Variants in PPP1R12A observed in about 807,000 individuals in gnomAD.
The protein encoded by PPP1R12A is protein phosphatase 1 regulatory subunit 12A, also known as myosin binding subunit.
PPP1R12A carries 19 observed loss-of-function variants against 139.6 expected under a neutral mutation model. The ratio of observed to expected loss-of-function variants is 0.14; its 90% confidence interval spans 0.09 to 0.20. The LOEUF (loss-of-function observed/expected upper bound fraction) is 0.20, where lower values mean the gene tolerates loss of function less well. PPP1R12A is among the 10% of genes least tolerant of loss of function. The probability of loss-of-function intolerance (pLI) is 1.00; values close to 1 mark genes in which losing one functional copy is unlikely to be tolerated. For synonymous variants in PPP1R12A, 427 were observed against 420.6 expected (o/e 1.02, Z -0.19); for missense variants, 925 against 1,211.5 (o/e 0.76, Z 3.51).
intron 21 of PPP1R12A, 155 bp from the exon 22 acceptor site, chr12:79,786,633 A>G (rs1871168936): frequency 4.0e-6 from 2 of 502,540 alleles, no homozygotes; most frequent in South Asian, 3.2e-5. Context: ...CAAAGCAGAG[A>G]CTGTTCGTTA....
chr12:79,835,381 G>A (rs1877946471), intron 3 of PPP1R12A, among the ~76,000 whole-genome samples: 1 of 152,086 alleles, frequency 6.6e-6, no homozygotes, highest in African/African-American at 2.4e-5. Context: ...GGACTTTGCA[G>A]TGATTCTGTG....
chr12:79,935,289 G>A, upstream of PPP1R12A: 1 of 1,064,848 alleles, frequency 9.4e-7, no homozygotes, highest in Non-Finnish European at 1.1e-6. Flanking sequence ...GCGAACTGCG[G>A]CGGTGGTGGC....
chr12:79,879,289 C>T (rs1263234779), intron 1 of PPP1R12A, among the ~76,000 whole-genome samples: 2 of 152,064 alleles, frequency 1.3e-5, no homozygotes, highest in Non-Finnish European at 2.9e-5. Flanking sequence ...ATCGCTTGAA[C>T]CTGGGAGGCG....
At position 79,796,818 on chromosome 12, in the gene PPP1R12A, C is replaced by A. The variant is rs375128623; in HGVS notation, c.2425G>T (p.Ala809Ser). The A allele has an allele frequency of 4.8e-5, 78 of 1,611,328 alleles. No homozygotes were observed. Among genetic ancestry groups the A allele is most frequent in the Non-Finnish European group, 6.5e-5 (76 of 1,178,070 alleles). ...RPNSLVGITS[A>S]YSRGITKENE... is the part of the protein sequence containing the mutation. ...TCTTTTGTTATTCCTCTGGAGTAAG[C>A]AGAAGTTATGCCTACAAGACTATTT... Residue 809 changes from alanine to serine, a missense_variant, in exon 17 of 25, where the codon GCT becomes TCT. This residue lies in a region of PPP1R12A where 315 missense variants were observed against 363.4 expected (regional missense o/e 0.87). Coordinates refer to ENST00000450142, the MANE Select transcript of PPP1R12A (RefSeq NM_002480.3).
intron 1 of PPP1R12A, among the ~76,000 whole-genome samples, chr12:79,877,776 A>C (rs1883251891): frequency 6.6e-6 from 1 of 152,138 alleles, no homozygotes; most frequent in African/African-American, 2.4e-5. Flanking sequence ...TTGGCTTCTC[A>C]AAGTGCTGGG....
At chr12:79,900,686 A>C in intron 1 of PPP1R12A, among the ~76,000 whole-genome samples, 1 of 152,326 alleles carries the variant, frequency 6.6e-6, no homozygotes, top group Non-Finnish European at 1.5e-5. Context: ...ACGTAATTAC[A>C]TGACTTTGGG....
At chr12:79,875,592 TA>T (rs1282050009) in intron 1 of PPP1R12A, among the ~76,000 whole-genome samples, 3 of 152,244 alleles carry the variant, frequency 2.0e-5, no homozygotes, top group Non-Finnish European at 4.4e-5. Flanking sequence ...GTGTTTCTAA[TA>T]AACTGATCAG....
At chr12:79,829,100 C>T (rs1047134810) in intron 4 of PPP1R12A, among the ~76,000 whole-genome samples, 4 of 152,108 alleles carry the variant, frequency 2.6e-5, no homozygotes, top group Non-Finnish European at 4.4e-5. Flanking sequence ...AACAGAAACA[C>T]ATTTTAATAC....
At chr12:79,842,412 C>A (rs1016627035) in intron 3 of PPP1R12A, among the ~76,000 whole-genome samples, 2 of 152,168 alleles carry the variant, frequency 1.3e-5, no homozygotes, top group Non-Finnish European at 2.9e-5. Context: ...CCTTTCTAAT[C>A]CTTAGTTTCT....
At chr12:79,871,854 G>A (rs571490725) in intron 2 of PPP1R12A, among the ~76,000 whole-genome samples, 38 of 152,196 alleles carry the variant, frequency 2.5e-4, no homozygotes, top group African/African-American at 8.2e-4. Flanking sequence ...GTTTTGCAAC[G>A]GGAAAAAGAC....
At chr12:79,844,588 C>T (rs1354686360) in intron 3 of PPP1R12A, among the ~76,000 whole-genome samples, 1 of 152,158 alleles carries the variant, frequency 6.6e-6, no homozygotes, top group Non-Finnish European at 1.5e-5. Context: ...TAACCCTTCT[C>T]CTACTTCTGT....
At chr12:79,841,071 AG>A (rs1439270914) in intron 3 of PPP1R12A, among the ~76,000 whole-genome samples, 18 of 144,550 alleles carry the variant, frequency 1.2e-4, no homozygotes, top group African/African-American at 4.6e-4. Context: ...AAAAAAAAAG[AG>A]AGAGAGAGAG....
intron 5 of PPP1R12A, among the ~76,000 whole-genome samples, chr12:79,826,976 G>C (rs143533901): frequency 6.6e-6 from 1 of 152,172 alleles, no homozygotes; most frequent in Non-Finnish European, 1.5e-5. Flanking sequence ...CCAGAGTTCA[G>C]AGGCTAATAG....
At chr12:79,930,344 T>C (rs201724097) in intron 1 of PPP1R12A, among the ~76,000 whole-genome samples, 1 of 151,926 alleles carries the variant, frequency 6.6e-6, no homozygotes, top group Non-Finnish European at 1.5e-5. Context: ...ATGTACTATA[T>C]CCAAATTTAG....
chr12:79,807,291 C>G lies in PPP1R12A; in HGVS notation c.1590G>C (p.Arg530Ser), dbSNP rs369861536. The change falls in exon 12 of 25, where the codon AGG becomes AGC. Residue 530 changes from arginine to serine, a missense_variant. By Grantham distance (110) the Arg-to-Ser change is moderately radical. Around this residue, in one of 4 missense-constraint regions of PPP1R12A, gnomAD observed 403 missense variants for 463.7 expected, o/e 0.87. Transcript: ENST00000450142. The stretch of plus-strand genomic sequence containing the variant: ...TTTTAAGATCATCTTCCCATTTTCT[C>G]CTTGTATATGAACTACTTGTTCGCA... Reference protein sequence around the residue: ...SSLRTSSSYTRRKWEDDLKKN... With the variant: ...SSLRTSSSYTSRKWEDDLKKN... 5.1e-6 allele frequency: 8 copies of G among 1,556,038 alleles called. No homozygotes were observed. The highest frequency in any genetic ancestry group is 1.4e-5 in the African/African-American group (1 of 73,618).
At chr12:79,789,710 A>T (rs1319521455) in intron 20 of PPP1R12A, 1 of 446,116 alleles carries the variant, frequency 2.2e-6, no homozygotes, top group Non-Finnish European at 4.5e-6. Context: ...GAGAAATGGA[A>T]TGGAGATCAA....
chr12:79,898,682 C>A (rs1474592055), intron 1 of PPP1R12A, among the ~76,000 whole-genome samples: 1 of 152,070 alleles, frequency 6.6e-6, no homozygotes, highest in African/African-American at 2.4e-5. Flanking sequence ...CTTCATGTTG[C>A]AATATTTTGC....
chr12:79,880,783 TTTTG>T (rs150920658), intron 1 of PPP1R12A, among the ~76,000 whole-genome samples: 11,848 of 152,082 alleles, frequency 0.078, 759 homozygotes, highest in East Asian at 0.33. Flanking sequence ...TACTGCATTT[TTTTG>T]TTTGTTTGTT....
intron 2 of PPP1R12A, among the ~76,000 whole-genome samples, chr12:79,856,871 A>G (rs1158007175): frequency 6.6e-6 from 1 of 152,248 alleles, no homozygotes; most frequent in African/African-American, 2.4e-5. Context: ...AGCTTAGCAG[A>G]AGTGGCCTAT....
Sources: allele counts gnomAD v4.1 joint callset (sites outside exome capture counted in the v4.1 genomes callset), GRCh38; gene constraint gnomAD v4.1.1; regional missense constraint gnomAD v4.1.1; transcripts MANE v1.5; gene names NCBI Gene and HGNC (gene_info 2026-07-23, HGNC 2026-07-21).